Variants in LIX1L observed in about 807,000 individuals in gnomAD.
LIX1L encodes the protein LIX1-like protein.
LIX1L carries 20 observed loss-of-function variants against 34.0 expected under a neutral mutation model. That is an observed-to-expected ratio of 0.59 (90% CI 0.41 to 0.85). LIX1L has a LOEUF of 0.85. Among genes scored for constraint, LIX1L ranks in the 40% least tolerant of loss-of-function variants. LIX1L has a pLI of 0.00. For missense variants in LIX1L, 397 were observed against 447.0 expected (o/e 0.89, Z 1.01); for synonymous variants, 170 against 187.4 (o/e 0.91, Z 0.76).
chr1:145,938,103 C>T lies in LIX1L; in HGVS notation c.598-404G>A, dbSNP rs1329368195. Among the ~76,000 whole-genome samples the T allele has an allele frequency of 3.4e-5, 5 of 147,996 alleles. No individual in the cohort carries two copies. In the South Asian group the frequency reaches 6.4e-4, roughly 19 times the overall value. The stretch of plus-strand genomic sequence containing the variant: ...GGCTACTGCACTCCAGCCTGGACAA[C>T]AGAGTGAGACTCTGTCTCAGAAAAA... On this transcript the variant is annotated intron_variant, in intron 3 of 5. Coordinates refer to ENST00000604000, the MANE Select transcript of LIX1L (RefSeq NM_153713.3).
At position 145,936,329 on chromosome 1, in the gene LIX1L, A is replaced by C; in HGVS notation, c.995T>G (p.Met332Arg). The C allele has an allele frequency of 6.2e-7, 1 of 1,614,194 alleles. No homozygotes were observed. Reference sequence around the variant, plus strand: ...GGATGCCTAGCAGTTGGAAGAATGCATATTGCCCAACTGCCCAGCAGCCAG... The same window carrying C: ...GGATGCCTAGCAGTTGGAAGAATGCCTATTGCCCAACTGCCCAGCAGCCAG... ...LVLAAGQLGN[M>R]HSSNC Residue 332 changes from methionine (M) to arginine (R), a missense_variant, in exon 6 of 6, where the codon ATG (methionine) becomes AGG (arginine). This residue lies in a region of LIX1L where 174 missense variants were observed against 204.0 expected (regional missense o/e 0.85). Coordinates refer to ENST00000604000, the MANE Select transcript of LIX1L (RefSeq NM_153713.3).
At chr1:145,937,163 T>C (rs587614275) in intron 4 of LIX1L, among the ~76,000 whole-genome samples, 178 bp from the exon 5 acceptor site, 4 of 148,928 alleles carry the variant, frequency 2.7e-5, no homozygotes, top group African/African-American at 7.6e-5. Flanking sequence ...TATTTATTTA[T>C]TTATTTATTT....
intron 2 of LIX1L, among the ~76,000 whole-genome samples, chr1:145,945,179 C>G (rs1034804962): frequency 2.0e-5 from 3 of 150,210 alleles, no homozygotes; most frequent in Non-Finnish European, 4.4e-5. Flanking sequence ...CAAAAATTAG[C>G]TGGGTGTGGT....
At chr1:145,947,305 TG>T (rs2101902698) in intron 2 of LIX1L, 1 of 302,410 alleles carries the variant, frequency 3.3e-6, no homozygotes, top group East Asian at 6.0e-5. Flanking sequence ...CAATAAGAGA[TG>T]GAAGAAAGTT....
intron 1 of LIX1L, 97 bp from the exon 2 acceptor site, chr1:145,947,879 G>C: frequency 3.7e-6 from 4 of 1,081,726 alleles, no homozygotes; most frequent in Non-Finnish European, 5.5e-6. Context: ...CCTACATTAA[G>C]AGTCTGCCCC....
At chr1:145,940,546 CTTTCT>C (rs1375796292) in intron 3 of LIX1L, among the ~76,000 whole-genome samples, 70 of 135,138 alleles carry the variant, frequency 5.2e-4, no homozygotes, top group African/African-American at 1.9e-3. Flanking sequence ...TTTTCCTTTT[CTTTCT>C]TTTTTTTTTT....
intron 3 of LIX1L, 90 bp from the exon 4 acceptor site, chr1:145,937,789 C>T: frequency 1.3e-6 from 1 of 784,890 alleles, no homozygotes; most frequent in Non-Finnish European, 2.2e-6. Context: ...TAATGCAAGC[C>T]ACATATTTAA....
intron 2 of LIX1L, among the ~76,000 whole-genome samples, chr1:145,944,915 C>G (rs1553759047): frequency 6.6e-6 from 1 of 151,998 alleles, no homozygotes; most frequent in Admixed American, 6.6e-5. Flanking sequence ...GCGGCCCCAG[C>G]TATTCAGGAG....
rs782279464 is a variant in LIX1L at position 145,957,688 on chromosome 1, G to A, written c.240C>T (p.Ala80=). 1.1e-4 allele frequency: 166 copies of A among 1,532,396 alleles called. No individual in the cohort carries two copies. The Middle Eastern group carries it at 1.1e-3, about 10-fold the overall frequency. The allele number at this position is 1,532,396 out of a possible 1,614,324, so 94.9% of individuals were successfully genotyped here. Reference sequence around the variant, plus strand: ...CGAAGCTCCTCACCACGGCCTCCACGGCCTCTCGCAGCACTGCCGGGCTGC... The same window carrying A: ...CGAAGCTCCTCACCACGGCCTCCACAGCCTCTCGCAGCACTGCCGGGCTGC... ...AAGSPAVLRE[A]VEAVVRSFAK... Residue 80 remains alanine, a synonymous_variant, in exon 1 of 6, where the codon GCC becomes GCT. Coordinates refer to ENST00000604000, the MANE Select transcript of LIX1L (RefSeq NM_153713.3).
At chr1:145,946,674 A>G (rs149994466) in intron 2 of LIX1L, among the ~76,000 whole-genome samples, 1 of 152,278 alleles carries the variant, frequency 6.6e-6, no homozygotes, top group Non-Finnish European at 1.5e-5. Flanking sequence ...ATTTAACGAG[A>G]AAGAAGACAA....
chr1:145,949,818 CTTTT>C (rs587663292), intron 1 of LIX1L, among the ~76,000 whole-genome samples: 1 of 139,624 alleles, frequency 7.2e-6, no homozygotes, highest in African/African-American at 2.6e-5. Flanking sequence ...GACCACTCTC[CTTTT>C]TTTTTTTTTT....
In LIX1L at chr1:145,936,934, T is replaced by C; in HGVS notation, c.745A>G (p.Met249Val). The C allele has an allele frequency of 1.2e-6, 2 of 1,613,484 alleles. No individual in the cohort carries two copies. Among genetic ancestry groups the C allele is most frequent in the Non-Finnish European group, 1.7e-6 (2 of 1,179,472 alleles). ...LLHWNGSLKA[M>V]RERQCSRQEV... ...TGCCGAGAGCATTGTCGTTCCCTCA[T>C]GGCCTTAAGGCTGCCATTCCAGTGT... Residue 249 changes from methionine to valine, a missense_variant, in exon 5 of 6, where the codon ATG (methionine) becomes GTG (valine). Coordinates refer to ENST00000604000, the MANE Select transcript of LIX1L (RefSeq NM_153713.3).
Position 145,948,912 on chromosome 1 carries a change from G to A in LIX1L, c.293-1130C>T, listed in dbSNP as rs1478535743. 1 of 152,204 alleles carries A rather than the reference G, an allele frequency of 6.6e-6. No individual in the cohort carries two copies. Among genetic ancestry groups the A allele is most frequent in the East Asian group, 1.9e-4 (1 of 5,204 alleles). 9.4% of individuals were successfully genotyped at this position (152,204 alleles called of 1,614,324 possible). A position where few individuals can be genotyped will look rare whatever the true frequency, so the allele number is the denominator to read the frequency against. On this transcript the variant is annotated intron_variant, in intron 1 of 5. Coordinates refer to ENST00000604000, the MANE Select transcript of LIX1L (RefSeq NM_153713.3). This position sits in a 1 kb window ranked among gnomAD's most constrained non-coding sequence, Gnocchi z 4.0. The stretch of plus-strand genomic sequence containing the variant: ...CTGTGGGTTCTATAAGTGTTCCTCT[G>A]TTGTGAAGCAACCCATGGCCTATGC...
chr1:145,955,359 C>T (rs112363491), intron 1 of LIX1L, among the ~76,000 whole-genome samples: 275 of 152,160 alleles, frequency 1.8e-3, no homozygotes, highest in African/African-American at 6.4e-3. Flanking sequence ...ATACTGATAG[C>T]CCACATGAGT....
At position 145,957,805 on chromosome 1, in the gene LIX1L, G is replaced by T; in HGVS notation, c.123C>A (p.Gly41=). Reference sequence around the variant, plus strand: ...CGGGAGGCGGCGGGGCAGGCGGGGGGCCCGCAGGGGGTGTGGCGGTGGCGG... The same window carrying T: ...CGGGAGGCGGCGGGGCAGGCGGGGGTCCCGCAGGGGGTGTGGCGGTGGCGG... ...AAAATATPPA[G]PPPAPPPPAP... is the part of the protein sequence containing the mutation. Residue 41 remains glycine, a synonymous_variant, in exon 1 of 6, where the codon GGC becomes GGA. Coordinates refer to ENST00000604000, the MANE Select transcript of LIX1L (RefSeq NM_153713.3). 7.4e-7 allele frequency: 1 copy of T among 1,354,214 alleles called. No homozygotes were observed. Among genetic ancestry groups the T allele is most frequent in the Non-Finnish European group, 9.5e-7 (1 of 1,057,950 alleles). 83.9% of individuals were successfully genotyped at this position (1,354,214 alleles called of 1,614,324 possible). A position where few individuals can be genotyped will look rare whatever the true frequency, so the allele number is the denominator to read the frequency against.
Position 145,957,702 on chromosome 1 carries a change from C to A in LIX1L, c.226G>T (p.Val76Leu). The A allele has an allele frequency of 6.6e-7, 1 of 1,503,802 alleles. No individual in the cohort carries two copies. The allele number at this position is 1,503,802 out of a possible 1,614,324, so 93.2% of individuals were successfully genotyped here. The part of the protein sequence containing the change: ...LPPGAAGSPA[V>L]LREAVEAVVR... ...ACGGCCTCCACGGCCTCTCGCAGCA[C>A]TGCCGGGCTGCCGGCGGCGCCGGGG... Residue 76 changes from valine to leucine, a missense_variant, in exon 1 of 6, where the codon GTG becomes TTG. By Grantham distance (32) the Val-to-Leu change is conservative. Around this residue, in one of 3 missense-constraint regions of LIX1L, gnomAD observed 207 missense variants for 205.2 expected, o/e 1.01. Coordinates refer to ENST00000604000, the MANE Select transcript of LIX1L (RefSeq NM_153713.3).
chr1:145,936,733 C>G, intron 5 of LIX1L, 175 bp downstream of exon 5: 1 of 824,940 alleles, frequency 1.2e-6, no homozygotes, highest in Non-Finnish European at 1.9e-6. Flanking sequence ...AAAAGAATCA[C>G]AGCTAATATT....
intron 3 of LIX1L, 27 bp downstream of exon 3, chr1:145,942,686 C>G (rs1278222668): frequency 1.2e-6 from 2 of 1,611,200 alleles, no homozygotes; most frequent in Non-Finnish European, 1.7e-6. Flanking sequence ...CTCCCACTCT[C>G]CTTCCTTCCA....
chr1:145,936,181 G>A lies in LIX1L; in HGVS notation c.*129C>T. ...CTTAGCAAATAGGAATCTAGGTGTA[G>A]AATTTATACACATATATATTTTTTA... On this transcript the variant is annotated 3_prime_UTR_variant, in exon 6 of 6. Transcript: ENST00000604000. The A allele has an allele frequency of 9.3e-7, 1 of 1,073,766 alleles. No individual in the cohort carries two copies. The highest frequency in any genetic ancestry group is 1.3e-6 in the Non-Finnish European group (1 of 772,654). 66.5% of individuals were successfully genotyped at this position (1,073,766 alleles called of 1,614,324 possible). A position where few individuals can be genotyped will look rare whatever the true frequency, so the allele number is the denominator to read the frequency against.
Sources: allele counts gnomAD v4.1 joint callset (sites outside exome capture counted in the v4.1 genomes callset), GRCh38; gene constraint gnomAD v4.1.1; regional missense constraint gnomAD v4.1.1; non-coding constraint Gnocchi (gnomAD v3.1); transcripts MANE v1.5; gene names NCBI Gene and HGNC (gene_info 2026-07-23, HGNC 2026-07-21).